Variants in SMIM31 observed in about 807,000 individuals in gnomAD.
The protein encoded by SMIM31 is human epithelial cell program regulator.
intron 2 of SMIM31, among the ~76,000 whole-genome samples, 178 bp downstream of exon 2, chr4:164,770,733 A>G (rs995815206): frequency 6.6e-6 from 1 of 152,168 alleles, no homozygotes; most frequent in Admixed American, 6.5e-5. Context: ...TATAGAAAGG[A>G]AAAGGATTAC....
chr4:164,779,970 G>C (rs893571278), intron 2 of SMIM31, among the ~76,000 whole-genome samples: 11 of 152,138 alleles, frequency 7.2e-5, no homozygotes, highest in African/African-American at 2.4e-4. Context: ...CCGAATCCAA[G>C]AAAAATAATT....
chr4:164,764,130 A>G (rs1732687605), intron 1 of SMIM31, among the ~76,000 whole-genome samples: 1 of 152,170 alleles, frequency 6.6e-6, no homozygotes, highest in African/African-American at 2.4e-5. Flanking sequence ...AATTTTCCCT[A>G]AGCTGTTTTG....
rs1560834820 is a variant in SMIM31, at chr4:164,802,246, C to G, written c.*1052C>G. 6.6e-6 allele frequency: 1 copy of G among 152,142 alleles called. No homozygotes were observed. Among genetic ancestry groups the G allele is most frequent in the Non-Finnish European group, 1.5e-5 (1 of 68,208 alleles). 9.4% of individuals were successfully genotyped at this position (152,142 alleles called of 1,614,324 possible). ...AGACTCTGTCTCAAAAGAAAAAAAA[C>G]AAAGAGAGAGAGAGGGTCTCGCTTT... is the stretch of plus-strand genomic sequence containing the variant. On this transcript the variant is annotated 3_prime_UTR_variant, in exon 3 of 3. Coordinates refer to ENST00000507311, the MANE Select transcript of SMIM31 (RefSeq NM_001352885.1).
chr4:164,800,408 C>T (rs1177432573), intron 2 of SMIM31, among the ~76,000 whole-genome samples: 3 of 151,988 alleles, frequency 2.0e-5, no homozygotes, highest in African/African-American at 7.3e-5. Context: ...GGATTTCGCC[C>T]TGTTGGCCGG....
intron 2 of SMIM31, among the ~76,000 whole-genome samples, chr4:164,799,615 G>T (rs1733257058): frequency 6.6e-6 from 1 of 152,108 alleles, no homozygotes; most frequent in Non-Finnish European, 1.5e-5. Context: ...TTCACATGGG[G>T]AAGGCCATCT....
intron 1 of SMIM31, among the ~76,000 whole-genome samples, 188 bp downstream of exon 1, chr4:164,754,599 G>A: frequency 9.1e-6 from 1 of 109,778 alleles, no homozygotes; most frequent in African/African-American, 3.6e-5. Flanking sequence ...AATGGCTAAA[G>A]AGGGAAGGAA....
At chr4:164,754,767 C>T (rs76564410) in intron 1 of SMIM31, among the ~76,000 whole-genome samples, 2,892 of 150,908 alleles carry the variant, frequency 0.019, 79 homozygotes, top group African/African-American at 0.066. Flanking sequence ...TTAAATCATA[C>T]GATTTCACTC....
At position 164,802,661 on chromosome 4, in the gene SMIM31, G is replaced by A. The variant is rs1404088825; in HGVS notation, c.*1467G>A. 2 of 152,160 alleles carry A rather than the reference G, an allele frequency of 1.3e-5. No individual in the cohort carries two copies. Among genetic ancestry groups the A allele is most frequent in the Non-Finnish European group, 2.9e-5 (2 of 68,044 alleles). 9.4% of individuals were successfully genotyped at this position (152,160 alleles called of 1,614,324 possible). A position where few individuals can be genotyped will look rare whatever the true frequency, so the allele number is the denominator to read the frequency against. Reference sequence around the variant, plus strand: ...GCATCTCATAAGAATCATAGCTCAGGTCTCCATTGCCACAGAGTTTCAGTC... The same window carrying A: ...GCATCTCATAAGAATCATAGCTCAGATCTCCATTGCCACAGAGTTTCAGTC... On this transcript the variant is annotated 3_prime_UTR_variant, in exon 3 of 3. Coordinates refer to ENST00000507311, the MANE Select transcript of SMIM31 (RefSeq NM_001352885.1).
Position 164,762,754 on chromosome 4 carries a change from T to C in SMIM31, c.-25-7665T>C, listed in dbSNP as rs574803515. Among the ~76,000 whole-genome samples, 3 of 151,538 alleles carry C rather than the reference T, an allele frequency of 2.0e-5. No individual in the cohort carries two copies. The East Asian group carries it at 5.8e-4, about 29-fold the overall frequency. ...AGCGCACAATGCTGCTATAAAACAA[T>C]GTACAGAACACTTGCTTATATTCAG... On this transcript the variant is annotated intron_variant, in intron 1 of 2. Transcript: ENST00000507311.
At chr4:164,795,809 G>A (rs556035823) in intron 2 of SMIM31, among the ~76,000 whole-genome samples, 53 of 152,042 alleles carry the variant, frequency 3.5e-4, no homozygotes, top group African/African-American at 1.3e-3. Flanking sequence ...TTTACTAATT[G>A]CTTACAATAT....
intron 1 of SMIM31, among the ~76,000 whole-genome samples, chr4:164,758,630 G>T (rs147172209): frequency 0.44 from 42,347 of 96,422 alleles, 10,751 homozygotes; most frequent in Non-Finnish European, 0.55. Flanking sequence ...TCCTTTTTTT[G>T]TTTTTTTTTT....
intron 2 of SMIM31, among the ~76,000 whole-genome samples, chr4:164,776,116 TC>T (rs1358048442): frequency 2.0e-5 from 3 of 152,028 alleles, no homozygotes; most frequent in African/African-American, 7.2e-5. Flanking sequence ...CCACCAATAA[TC>T]CCCTCCTCCC....
chr4:164,797,391 TA>T (rs1733212251), intron 2 of SMIM31, among the ~76,000 whole-genome samples: 1 of 151,534 alleles, frequency 6.6e-6, no homozygotes, highest in Non-Finnish European at 1.5e-5. Flanking sequence ...AATATAGATA[TA>T]AACACAGATA....
At chr4:164,788,949 G>A (rs1383586289) in intron 2 of SMIM31, among the ~76,000 whole-genome samples, 1 of 152,004 alleles carries the variant, frequency 6.6e-6, no homozygotes, top group Non-Finnish European at 1.5e-5. Flanking sequence ...AAAATGTGTT[G>A]ATTTTATGTT....
At chr4:164,770,062 G>A (rs920416596) in intron 1 of SMIM31, among the ~76,000 whole-genome samples, 3 of 152,272 alleles carry the variant, frequency 2.0e-5, no homozygotes, top group Admixed American at 1.3e-4. Context: ...GGAGGTAATA[G>A]CTCAAGCTTT....
intron 2 of SMIM31, among the ~76,000 whole-genome samples, chr4:164,778,170 T>C (rs1732901751): frequency 6.6e-6 from 1 of 152,304 alleles, no homozygotes; most frequent in South Asian, 2.1e-4. Context: ...GGAGGATGGC[T>C]TGAGCCCAGA....
Position 164,788,478 on chromosome 4 carries a change from C to CTTTTTTTTTTTTT in SMIM31, c.113-12597_113-12585dup, listed in dbSNP as rs72177805. ...ATAAAATTTCTTTCTTCTAATTTTT[C>CTTTTTTTTTTTTT]TTTTTTTTTTTTTTTTTTTTTTTTT... On this transcript the variant is annotated intron_variant, in intron 2 of 2. Coordinates refer to ENST00000507311, the MANE Select transcript of SMIM31 (RefSeq NM_001352885.1). Among the ~76,000 whole-genome samples the CTTTTTTTTTTTTT allele has an allele frequency of 8.2e-3, 476 of 58,190 alleles. 102 individuals carry two copies. Among genetic ancestry groups the CTTTTTTTTTTTTT allele is most frequent in the East Asian group, 0.014 (28 of 1,942 alleles). The allele number at this position is 58,190 out of a possible 152,430, so 38.2% of individuals were successfully genotyped here.
At position 164,801,081 on chromosome 4, in the gene SMIM31, C is replaced by T. The variant is rs9999138; in HGVS notation, c.113-10C>T. On this transcript the variant is annotated splice_polypyrimidine_tract_variant and intron_variant, in intron 2 of 2. Coordinates refer to ENST00000507311, the MANE Select transcript of SMIM31 (RefSeq NM_001352885.1). ...TTACATTCCTTTTTCTAAATTCTTT[C>T]TTATTGCAGAGGAAGAACATGAAAA... 0.74 allele frequency: 296,325 copies of T among 398,386 alleles called. 111,533 individuals are homozygous for T. The highest frequency in any genetic ancestry group is 0.8 in the Non-Finnish European group (180,623 of 225,952). 24.7% of individuals were successfully genotyped at this position (398,386 alleles called of 1,614,324 possible).
intron 2 of SMIM31, among the ~76,000 whole-genome samples, chr4:164,776,794 T>G (rs1173643497): frequency 6.6e-6 from 1 of 152,214 alleles, no homozygotes; most frequent in Non-Finnish European, 1.5e-5. Context: ...AAGCTCAACA[T>G]ATGAGTTTCA....
Sources: allele counts gnomAD v4.1 joint callset (sites outside exome capture counted in the v4.1 genomes callset), GRCh38; gene constraint gnomAD v4.1.1; transcripts MANE v1.5; gene names NCBI Gene and HGNC (gene_info 2026-07-23, HGNC 2026-07-21).